The following IFI16 variants were observed in gnomAD, a reference collection of about 807,000 sequenced individuals.
IFI16 encodes gamma-interferon-inducible protein 16.
A neutral mutation model predicts 68.4 loss-of-function variants in IFI16; 49 were observed. The observed-to-expected ratio is 0.72, with a 90% CI of 0.57 to 0.91. The LOEUF (loss-of-function observed/expected upper bound fraction) is 0.91. Among genes scored for constraint, IFI16 ranks in the 40% least tolerant of loss-of-function variants. The pLI, the probability that IFI16 is intolerant of heterozygous loss-of-function variation, is 0.00. For synonymous variants in IFI16, 307 were observed against 315.0 expected, an observed-to-expected ratio of 0.97 and a Z score of 0.27; for missense variants, 878 against 942.9, an observed-to-expected ratio of 0.93 and a Z score of 0.90.
chr1:159,020,051 G>T (rs1049881281), intron 5 of IFI16, among the ~76,000 whole-genome samples: 1 of 152,192 alleles, frequency 6.6e-6, no homozygotes, highest in East Asian at 1.9e-4. Flanking sequence ...AGCTTCCTCT[G>T]TATCAAGGTG....
upstream of IFI16, among the ~76,000 whole-genome samples, chr1:159,003,665 T>G (rs1430496774): frequency 6.6e-6 from 1 of 151,830 alleles, no homozygotes. Context: ...TTATTATTAT[T>G]ATTATTATGT....
chr1:159,048,503 TA>T lies in IFI16; in HGVS notation c.1498-926del, dbSNP rs992843012. ...GAATCCACAGTAGGTGTGCAAATGT[TA>T]AACAATTTTGAAAATACAGTGTTTT... On this transcript the variant is annotated intron_variant, in intron 8 of 11. Coordinates refer to ENST00000295809, the MANE Select transcript of IFI16 (RefSeq NM_001376587.1). Among the ~76,000 whole-genome samples the T allele has an allele frequency of 2.3e-4, 35 of 151,652 alleles. 5 individuals carry two copies. Among genetic ancestry groups the T allele is most frequent in the Admixed American group, 1.9e-3 (29 of 15,176 alleles).
At chr1:159,008,382 T>C (rs1367405290), upstream of IFI16, among the ~76,000 whole-genome samples, 1 of 152,110 alleles carries the variant, frequency 6.6e-6, no homozygotes, top group Non-Finnish European at 1.5e-5. Flanking sequence ...TGGGGGAAAA[T>C]GCACATTTTT....
chr1:159,015,653 A>G, intron 2 of IFI16: 1 of 496,096 alleles, frequency 2.0e-6, no homozygotes. Flanking sequence ...GAGTGAGGAA[A>G]GTGCTGAGGA....
chr1:159,046,443 A>C (rs1233472889), intron 8 of IFI16, among the ~76,000 whole-genome samples: 3 of 151,364 alleles, frequency 2.0e-5, no homozygotes, highest in African/African-American at 7.3e-5. Context: ...ACATTTTTAT[A>C]TTTGATATCT....
intron 7 of IFI16, among the ~76,000 whole-genome samples, chr1:159,041,725 T>C (rs1205620500): frequency 1.3e-5 from 2 of 152,176 alleles, no homozygotes; most frequent in African/African-American, 4.8e-5. Flanking sequence ...CTGAAGACTA[T>C]AATCCTGGTC....
chr1:159,012,607 G>A (rs968459446), intron 1 of IFI16, among the ~76,000 whole-genome samples: 1 of 152,162 alleles, frequency 6.6e-6, no homozygotes, highest in Non-Finnish European at 1.5e-5. Context: ...ACTTAAACAG[G>A]AAATTTCTCA....
At chr1:159,026,649 G>A (rs1447060206) in intron 6 of IFI16, among the ~76,000 whole-genome samples, 4 of 152,128 alleles carry the variant, frequency 2.6e-5, no homozygotes, top group African/African-American at 7.2e-5. Flanking sequence ...AGCATAGGAT[G>A]TGTTTCCATT....
At chr1:159,035,447 A>C (rs1571871201) in intron 7 of IFI16, among the ~76,000 whole-genome samples, 1 of 152,244 alleles carries the variant, frequency 6.6e-6, no homozygotes, top group Non-Finnish European at 1.5e-5. Context: ...ACCTGCTAAA[A>C]TATGAATCAC....
chr1:159,024,346 C>T (rs903551315), intron 6 of IFI16, among the ~76,000 whole-genome samples: 1 of 152,024 alleles, frequency 6.6e-6, no homozygotes, highest in African/African-American at 2.4e-5. Context: ...TATGTCAATC[C>T]CCATGCCATC....
At chr1:159,005,965 G>C (rs77206321), upstream of IFI16, 5,021 of 152,772 alleles carry the variant, frequency 0.033, 292 homozygotes, top group East Asian at 0.23. Context: ...TCTTCTCACT[G>C]TCTGAAAGAC....
At chr1:159,041,749 A>C (rs1481112867) in intron 7 of IFI16, among the ~76,000 whole-genome samples, 2 of 152,178 alleles carry the variant, frequency 1.3e-5, no homozygotes, top group Non-Finnish European at 2.9e-5. Context: ...TGTAGGCTGA[A>C]ATGTGGGCTG....
At chr1:159,038,573 C>G (rs1654451657) in intron 7 of IFI16, among the ~76,000 whole-genome samples, 2 of 152,128 alleles carry the variant, frequency 1.3e-5, no homozygotes, top group Non-Finnish European at 2.9e-5. Context: ...CGCTATATTG[C>G]CCAGGCTGAT....
chr1:159,043,893 A>G (rs1162981592), intron 7 of IFI16, among the ~76,000 whole-genome samples: 2 of 152,300 alleles, frequency 1.3e-5, no homozygotes, highest in Non-Finnish European at 2.9e-5. Context: ...AATCTTGTCA[A>G]TAAAATTACA....
intron 7 of IFI16, among the ~76,000 whole-genome samples, chr1:159,037,088 T>A (rs896432678): frequency 6.6e-6 from 1 of 152,220 alleles, no homozygotes; most frequent in African/African-American, 2.4e-5. Context: ...TGCTCTGATC[T>A]TCTCTGCTAT....
At chr1:159,017,696 C>T (rs1444959432) in intron 4 of IFI16, among the ~76,000 whole-genome samples, 3 of 152,124 alleles carry the variant, frequency 2.0e-5, no homozygotes, top group African/African-American at 7.2e-5. Flanking sequence ...CAGCCTCCAC[C>T]TCCCGGGTTC....
intron 4 of IFI16, among the ~76,000 whole-genome samples, chr1:159,017,807 CATGTT>C (rs1314874750): frequency 1.3e-5 from 2 of 152,174 alleles, no homozygotes; most frequent in Non-Finnish European, 2.9e-5. Flanking sequence ...AGGGTTTCAC[CATGTT>C]GGCCAGGCTG....
intron 7 of IFI16, among the ~76,000 whole-genome samples, chr1:159,035,902 C>T (rs1654301659): frequency 6.6e-6 from 1 of 152,132 alleles, no homozygotes; most frequent in Non-Finnish European, 1.5e-5. Flanking sequence ...ACATTTCTCT[C>T]ATCTAAATTC....
chr1:159,003,801 T>C (rs1345797726), upstream of IFI16, among the ~76,000 whole-genome samples: 5 of 152,026 alleles, frequency 3.3e-5, no homozygotes, highest in East Asian at 1.9e-4. Flanking sequence ...GCTGGGACTA[T>C]AGGCGCCCGC....
Sources: allele counts gnomAD v4.1 joint callset (sites outside exome capture counted in the v4.1 genomes callset), GRCh38; gene constraint gnomAD v4.1.1; transcripts MANE v1.5; gene names NCBI Gene and HGNC (gene_info 2026-07-23, HGNC 2026-07-21).